Variants in GRIA2 observed in about 807,000 individuals in gnomAD.
GRIA2 encodes the protein glutamate ionotropic receptor AMPA type subunit 2, also known as glutamate receptor 2.
In GRIA2, 14 loss-of-function variants were observed where a neutral mutation model predicts 97.3. The observed-to-expected ratio is 0.14, with a 90% CI of 0.10 to 0.23. The LOEUF (loss-of-function observed/expected upper bound fraction) is 0.23. Among genes scored for constraint, GRIA2 ranks in the 10% least tolerant of loss-of-function variants. The pLI is 1.00. For missense variants in GRIA2, 558 were observed against 1,069.8 expected, an observed-to-expected ratio of 0.52 and a Z score of 6.67; for synonymous variants, 412 against 387.8, an observed-to-expected ratio of 1.06 and a Z score of -0.73.
At chr4:157,272,256 A>G in intron 2 of GRIA2, among the ~76,000 whole-genome samples, 1 of 152,052 alleles carries the variant, frequency 6.6e-6, no homozygotes, top group East Asian at 1.9e-4. Flanking sequence ...GTCTGTAAGG[A>G]CCTTAGAATT....
intron 2 of GRIA2, among the ~76,000 whole-genome samples, chr4:157,226,733 T>G (rs974895361): frequency 6.6e-6 from 1 of 152,124 alleles, no homozygotes; most frequent in South Asian, 2.1e-4. Flanking sequence ...TGTTTTGTCA[T>G]GTTTGTTGAG....
chr4:157,345,880 GT>G (rs541824169), intron 12 of GRIA2, among the ~76,000 whole-genome samples: 2 of 152,074 alleles, frequency 1.3e-5, no homozygotes, highest in Non-Finnish European at 2.9e-5. Flanking sequence ...TTGCCTTCTT[GT>G]TTAATGCAGT....
At chr4:157,360,936 C>T (rs1400658261) in intron 13 of GRIA2, 74 bp from the exon 14 acceptor site, 21 of 1,114,772 alleles carry the variant, frequency 1.9e-5, no homozygotes, top group Non-Finnish European at 2.6e-5. Flanking sequence ...CAAAGAAAAA[C>T]AAATTAAAAC....
chr4:157,224,795 A>G (rs1729670029), intron 2 of GRIA2, among the ~76,000 whole-genome samples: 1 of 152,060 alleles, frequency 6.6e-6, no homozygotes, highest in Non-Finnish European at 1.5e-5. Context: ...TTCCTTTATA[A>G]AGTGGAAGCA....
chr4:157,263,439 C>A (rs540167772), intron 2 of GRIA2, among the ~76,000 whole-genome samples: 1 of 151,682 alleles, frequency 6.6e-6, no homozygotes, highest in Non-Finnish European at 1.5e-5. Context: ...AAACAGTATA[C>A]CAAAAAATCC....
At chr4:157,280,162 A>T (rs1041307815) in intron 2 of GRIA2, among the ~76,000 whole-genome samples, 12 of 152,140 alleles carry the variant, frequency 7.9e-5, no homozygotes, top group African/African-American at 2.9e-4. Context: ...TCACATAAAT[A>T]AGTACAATAT....
chr4:157,309,002 T>C (rs1018253017), intron 3 of GRIA2, among the ~76,000 whole-genome samples: 4 of 152,152 alleles, frequency 2.6e-5, no homozygotes, highest in Non-Finnish European at 5.9e-5. Context: ...AGTCAGTTAC[T>C]ATTACTGAAA....
At chr4:157,340,057 C>T (rs72962883) in intron 11 of GRIA2, among the ~76,000 whole-genome samples, 1 of 151,642 alleles carries the variant, frequency 6.6e-6, no homozygotes, top group African/African-American at 2.4e-5. Flanking sequence ...TATCAAAAAA[C>T]TTTTCATTTA....
chr4:157,220,835 G>T lies in GRIA2; in HGVS notation c.-208G>T, dbSNP rs540489637. 2.6e-5 allele frequency: 15 copies of T among 576,290 alleles called. No individual in the cohort carries two copies. The East Asian group carries it at 4.4e-4, about 17-fold the overall frequency. The allele number at this position is 576,290 out of a possible 1,614,324, so 35.7% of individuals were successfully genotyped here. On this transcript the variant is annotated 5_prime_UTR_variant, in exon 1 of 16. Transcript: ENST00000264426. ...AGCCAGTCCTCCGGACTTCTGGAGCGGGGACAGGGCGCAGGGCATCAGCAG... is the reference window on the plus strand; with the variant it reads ...AGCCAGTCCTCCGGACTTCTGGAGCTGGGACAGGGCGCAGGGCATCAGCAG...
intron 4 of GRIA2, among the ~76,000 whole-genome samples, chr4:157,316,589 G>A (rs892292856): frequency 6.6e-6 from 1 of 152,040 alleles, no homozygotes; most frequent in Non-Finnish European, 1.5e-5. Flanking sequence ...GAAGCAAAAT[G>A]TGTGAAGCCC....
chr4:157,255,449 AGT>A (rs1345410317), intron 2 of GRIA2, among the ~76,000 whole-genome samples: 3 of 152,008 alleles, frequency 2.0e-5, no homozygotes, highest in Non-Finnish European at 4.4e-5. Flanking sequence ...ATAAAATCCT[AGT>A]TCTATTTTTA....
chr4:157,345,259 T>C (rs992532920), intron 12 of GRIA2, among the ~76,000 whole-genome samples: 1 of 151,990 alleles, frequency 6.6e-6, no homozygotes, highest in African/African-American at 2.4e-5. Context: ...TTTGTTTTGC[T>C]TGAAAGAGAG....
In GRIA2 at chr4:157,248,625, G is replaced by C. The variant is rs571559665; in HGVS notation, c.229+26818G>C. ...TATGTATATATACATGTATATATACGTATATATATACACCTGTATATATAT... is the reference window on the plus strand; with the variant it reads ...TATGTATATATACATGTATATATACCTATATATATACACCTGTATATATAT... On this transcript the variant is annotated intron_variant, in intron 2 of 15. Transcript: ENST00000264426. Among the ~76,000 whole-genome samples, 58 of 16,338 alleles carry C rather than the reference G, an allele frequency of 3.6e-3. No individual in the cohort carries two copies. The East Asian group carries it at 0.067, about 19-fold the overall frequency. 10.7% of individuals were successfully genotyped at this position (16,338 alleles called of 152,430 possible).
At chr4:157,285,039 C>G (rs1468602039) in intron 2 of GRIA2, among the ~76,000 whole-genome samples, 1 of 151,802 alleles carries the variant, frequency 6.6e-6, no homozygotes, top group Middle Eastern at 3.4e-3. Flanking sequence ...CACATATCTA[C>G]TGTCAGTATA....
At chr4:157,251,853 T>A (rs1399943435) in intron 2 of GRIA2, among the ~76,000 whole-genome samples, 1 of 152,164 alleles carries the variant, frequency 6.6e-6, no homozygotes, top group Non-Finnish European at 1.5e-5. Context: ...AGAAGCCTTA[T>A]AGACTAGTCT....
Position 157,365,911 on chromosome 4 carries a change from A to G in GRIA2, c.*2480A>G, listed in dbSNP as rs1056892797. ...TGGGTGTCAAACTCCAAGAAGACATACACTTTCTATAACTTCTATTGAAGA... is the reference window on the plus strand; with the variant it reads ...TGGGTGTCAAACTCCAAGAAGACATGCACTTTCTATAACTTCTATTGAAGA... On this transcript the variant is annotated 3_prime_UTR_variant, in exon 16 of 16. Coordinates refer to ENST00000264426, the MANE Select transcript of GRIA2 (RefSeq NM_001083619.3). 2.0e-5 allele frequency: 3 copies of G among 151,744 alleles called. No individual in the cohort carries two copies. The highest frequency in any genetic ancestry group is 7.2e-5 in the African/African-American group (3 of 41,380). 9.4% of individuals were successfully genotyped at this position (151,744 alleles called of 1,614,324 possible).
At chr4:157,260,050 T>C (rs1221564741) in intron 2 of GRIA2, among the ~76,000 whole-genome samples, 4 of 152,168 alleles carry the variant, frequency 2.6e-5, no homozygotes, top group Non-Finnish European at 5.9e-5. Flanking sequence ...CCTTTTTTCT[T>C]GTAAAGACAA....
intron 2 of GRIA2, among the ~76,000 whole-genome samples, chr4:157,246,009 A>T (rs1730715829): frequency 6.6e-6 from 1 of 152,054 alleles, no homozygotes; most frequent in Non-Finnish European, 1.5e-5. Flanking sequence ...TCTGATAAAA[A>T]AAACAAACTG....
chr4:157,220,721 A>G (rs1729450686), upstream of GRIA2: 2 of 372,240 alleles, frequency 5.4e-6, no homozygotes, highest in South Asian at 7.2e-5. Context: ...AGAGCGCGAG[A>G]GAGGGTGAGT....
Sources: allele counts gnomAD v4.1 joint callset (sites outside exome capture counted in the v4.1 genomes callset), GRCh38; gene constraint gnomAD v4.1.1; transcripts MANE v1.5; gene names NCBI Gene and HGNC (gene_info 2026-07-23, HGNC 2026-07-21).